The following STAP1 variants were observed in gnomAD, a reference collection of about 807,000 sequenced individuals.
STAP1 encodes signal transducing adaptor family member 1.
Under a neutral mutation model 37.8 loss-of-function variants are expected in STAP1, and 30 were observed. The observed-to-expected ratio is 0.79, with a 90% CI of 0.59 to 1.08. The LOEUF (loss-of-function observed/expected upper bound fraction) is 1.08. Among genes scored for constraint, STAP1 ranks in the 50% least tolerant of loss-of-function variants. The pLI, the probability that STAP1 is intolerant of heterozygous loss-of-function variation, is 0.00. For missense variants in STAP1, 357 were observed against 349.4 expected (o/e 1.02, Z -0.17); for synonymous variants, 130 against 116.0 (o/e 1.12, Z -0.78).
chr4:67,599,087 A>C (rs1466199989), intron 8 of STAP1, among the ~76,000 whole-genome samples: 1 of 152,218 alleles, frequency 6.6e-6, no homozygotes, highest in African/African-American at 2.4e-5. Flanking sequence ...CACGTTGGAT[A>C]ATCTAATATG....
chr4:67,594,063 C>A (rs1728174578), intron 8 of STAP1, among the ~76,000 whole-genome samples: 1 of 152,206 alleles, frequency 6.6e-6, no homozygotes, highest in Non-Finnish European at 1.5e-5. Context: ...GCAAGCCAGG[C>A]TGAATGTAAT....
intron 1 of STAP1, among the ~76,000 whole-genome samples, chr4:67,568,384 G>A (rs577085455): frequency 2.0e-5 from 3 of 152,204 alleles, no homozygotes; most frequent in South Asian, 2.1e-4. Context: ...TGATTAACAT[G>A]TTTATTAAAA....
intron 8 of STAP1, among the ~76,000 whole-genome samples, chr4:67,596,238 T>C (rs959947667): frequency 2.6e-5 from 4 of 152,320 alleles, no homozygotes; most frequent in African/African-American, 9.6e-5. Flanking sequence ...CCCTGTGCTC[T>C]CTCTTTCCTG....
At chr4:67,599,654 A>G (rs1408696198) in intron 8 of STAP1, among the ~76,000 whole-genome samples, 1 of 122,164 alleles carries the variant, frequency 8.2e-6, no homozygotes, top group Non-Finnish European at 1.8e-5. Flanking sequence ...TTTTTTTTTT[A>G]TTTTTGAGAT....
intron 5 of STAP1, among the ~76,000 whole-genome samples, chr4:67,581,800 TTGAC>T (rs1347225016): frequency 6.6e-6 from 1 of 152,214 alleles, no homozygotes; most frequent in African/African-American, 2.4e-5. Flanking sequence ...AACTCTATGA[TTGAC>T]TGATTTTCTC....
Position 67,580,588 on chromosome 4 carries a change from G to C in STAP1, c.364-717G>C, listed in dbSNP as rs994895851. On this transcript the variant is annotated intron_variant, in intron 4 of 8. Transcript: ENST00000265404. ...GCTGCCTCCAAATAAAGACTTGCTA[G>C]GGTCACGTACAAAAAATATCTTACC... Among the ~76,000 whole-genome samples the C allele has an allele frequency of 2.6e-5, 4 of 152,242 alleles. No individual in the cohort carries two copies. In the South Asian group the frequency reaches 8.3e-4, roughly 32 times the overall value.
At chr4:67,584,116 A>AAAAAAAAAAT (rs1553901804) in intron 6 of STAP1, among the ~76,000 whole-genome samples, 2 of 134,098 alleles carry the variant, frequency 1.5e-5, no homozygotes, top group Non-Finnish European at 3.2e-5. Context: ...AAAAAAAAAA[A>AAAAAAAAAAT]GAACACAAGA....
chr4:67,560,135 T>C (rs905280092), intron 1 of STAP1, among the ~76,000 whole-genome samples: 1 of 152,192 alleles, frequency 6.6e-6, no homozygotes, highest in Non-Finnish European at 1.5e-5. Flanking sequence ...TTCCAAGGTA[T>C]TTATAATAAC....
intron 8 of STAP1, among the ~76,000 whole-genome samples, chr4:67,601,039 C>G (rs1394536674): frequency 6.6e-6 from 1 of 152,014 alleles, no homozygotes; most frequent in African/African-American, 2.4e-5. Flanking sequence ...TTGTGGTCTT[C>G]TCTTCCTTCC....
intron 8 of STAP1, among the ~76,000 whole-genome samples, chr4:67,597,437 A>G (rs1728250639): frequency 6.6e-6 from 1 of 152,230 alleles, no homozygotes; most frequent in South Asian, 2.1e-4. Context: ...TAGAGCCCCC[A>G]CACAGAGTTC....
intron 8 of STAP1, among the ~76,000 whole-genome samples, chr4:67,596,585 T>C (rs1304410590): frequency 6.6e-6 from 1 of 152,178 alleles, no homozygotes; most frequent in Non-Finnish European, 1.5e-5. Flanking sequence ...CTGATAGAGA[T>C]ATGGACAATG....
chr4:67,564,365 T>C (rs1308421736), intron 1 of STAP1, among the ~76,000 whole-genome samples: 1 of 152,198 alleles, frequency 6.6e-6, no homozygotes, highest in East Asian at 1.9e-4. Flanking sequence ...TATTTAACTT[T>C]ACCCAATTCA....
intron 6 of STAP1, among the ~76,000 whole-genome samples, chr4:67,586,381 T>C (rs989135358): frequency 2.6e-5 from 4 of 152,100 alleles, no homozygotes; most frequent in Admixed American, 1.3e-4. Context: ...CGCTTCAACC[T>C]GGGAGGCGGA....
chr4:67,563,462 T>C (rs1225122744), intron 1 of STAP1, among the ~76,000 whole-genome samples: 1 of 152,094 alleles, frequency 6.6e-6, no homozygotes, highest in Non-Finnish European at 1.5e-5. Context: ...TCCCAGCACT[T>C]ATGGAGGCCA....
chr4:67,606,444 C>T lies in STAP1; in HGVS notation c.*87C>T, dbSNP rs1026982023. 1.6e-5 allele frequency: 17 copies of T among 1,090,830 alleles called. No homozygotes were observed. The highest frequency in any genetic ancestry group is 2.2e-5 in the Non-Finnish European group (17 of 762,360). The allele number at this position is 1,090,830 out of a possible 1,614,324, so 67.6% of individuals were successfully genotyped here. A position where few individuals can be genotyped will look rare whatever the true frequency, so the allele number is the denominator to read the frequency against. On this transcript the variant is annotated 3_prime_UTR_variant, in exon 9 of 9. Transcript: ENST00000265404. ...ACTTTTAAAGAGAATTACCTATATT[C>T]TCCTGATACTGATTACCAAGTCATT...
intron 5 of STAP1, among the ~76,000 whole-genome samples, chr4:67,583,296 G>A (rs113474844): frequency 6.6e-6 from 1 of 152,182 alleles, no homozygotes; most frequent in Non-Finnish European, 1.5e-5. Context: ...TGTTGGTAAT[G>A]ATGATTATAT....
At chr4:67,573,507 C>G (rs1578024639) in intron 2 of STAP1, among the ~76,000 whole-genome samples, 1 of 152,298 alleles carries the variant, frequency 6.6e-6, no homozygotes, top group African/African-American at 2.4e-5. Context: ...TCCTTTGTTG[C>G]AGCAAAACTC....
chr4:67,593,193 T>G, intron 7 of STAP1, 67 bp from the exon 8 acceptor site: 11 of 1,110,030 alleles, frequency 9.9e-6, no homozygotes, highest in Non-Finnish European at 1.4e-5. Context: ...AGATTCCAGT[T>G]GAGCCTTCTC....
chr4:67,583,233 A>G (rs1727904585), intron 5 of STAP1, among the ~76,000 whole-genome samples: 1 of 152,196 alleles, frequency 6.6e-6, no homozygotes, highest in Admixed American at 6.5e-5. Flanking sequence ...CCCAATAAAT[A>G]TTTATCCGAG....
Sources: allele counts gnomAD v4.1 joint callset (sites outside exome capture counted in the v4.1 genomes callset), GRCh38; gene constraint gnomAD v4.1.1; transcripts MANE v1.5; gene names NCBI Gene and HGNC (gene_info 2026-07-23, HGNC 2026-07-21).